The following PRKCE variants were observed in gnomAD, a reference collection of about 807,000 sequenced individuals.
PRKCE encodes the protein protein kinase C epsilon type.
In PRKCE, 16 loss-of-function variants were observed where a neutral mutation model predicts 85.4. The ratio of observed to expected loss-of-function variants is 0.19; its 90% CI spans 0.13 to 0.28. PRKCE has a LOEUF of 0.28. Ranked by LOEUF, PRKCE falls within the 10% of genes least tolerant of loss-of-function variation. PRKCE has a pLI of 1.00. For missense variants in PRKCE, 573 were observed against 975.2 expected, an observed-to-expected ratio of 0.59 and a Z score of 5.49; for synonymous variants, 388 against 371.5, an observed-to-expected ratio of 1.04 and a Z score of -0.51.
chr2:45,740,164 C>G (rs1243727150), intron 1 of PRKCE, among the ~76,000 whole-genome samples: 1 of 119,386 alleles, frequency 8.4e-6, no homozygotes, highest in Non-Finnish European at 1.8e-5. Flanking sequence ...AAAAAAAGGA[C>G]TTATTCACTG....
intron 14 of PRKCE, among the ~76,000 whole-genome samples, chr2:46,176,323 C>A (rs1319931633): frequency 2.0e-5 from 3 of 151,990 alleles, no homozygotes; most frequent in African/African-American, 7.2e-5. Context: ...CGTTGAAGCT[C>A]CCCCAGGTGA....
chr2:46,170,120 G>A (rs1678747008), intron 14 of PRKCE, among the ~76,000 whole-genome samples: 1 of 152,132 alleles, frequency 6.6e-6, no homozygotes, highest in African/African-American at 2.4e-5. Flanking sequence ...ACATTCTGAT[G>A]CATTTGAAAA....
At chr2:46,029,513 C>A (rs539921976) in intron 10 of PRKCE, among the ~76,000 whole-genome samples, 2 of 152,138 alleles carry the variant, frequency 1.3e-5, no homozygotes, top group Non-Finnish European at 2.9e-5. Flanking sequence ...TCACTGCCCC[C>A]ACTAACGCCA....
At chr2:45,893,052 GCTGA>G (rs1163986520) in intron 2 of PRKCE, among the ~76,000 whole-genome samples, 3 of 152,166 alleles carry the variant, frequency 2.0e-5, no homozygotes, top group African/African-American at 7.2e-5. Context: ...TCCAAGATGG[GCTGA>G]CTGTTTGCGA....
chr2:46,124,800 A>T (rs1429462470), intron 11 of PRKCE, among the ~76,000 whole-genome samples: 1 of 152,198 alleles, frequency 6.6e-6, no homozygotes, highest in African/African-American at 2.4e-5. Context: ...CACTGTGGGG[A>T]ATGATAAGGA....
chr2:45,688,706 T>C (rs1302270831), intron 1 of PRKCE, among the ~76,000 whole-genome samples: 1 of 152,196 alleles, frequency 6.6e-6, no homozygotes, highest in Non-Finnish European at 1.5e-5. Context: ...AGCTATTGCA[T>C]TGGTAAGTCA....
At position 46,010,329 on chromosome 2, in the gene PRKCE, A is replaced by G. The variant is rs766125960; in HGVS notation, c.1264-15A>G. 1 of 1,581,416 alleles carries G rather than the reference A, an allele frequency of 6.3e-7. No individual in the cohort carries two copies. Among genetic ancestry groups the G allele is most frequent in the East Asian group, 2.3e-5 (1 of 44,426 alleles). ...ATACATGCATAGATTGATGGAGGCA[A>G]TTGATTGATTGCAGGTCATGTTGGC... On this transcript the variant is annotated splice_polypyrimidine_tract_variant and intron_variant, in intron 9 of 14. Coordinates refer to ENST00000306156, the MANE Select transcript of PRKCE (RefSeq NM_005400.3).
At chr2:45,824,324 T>G (rs1238531089) in intron 1 of PRKCE, among the ~76,000 whole-genome samples, 1 of 152,204 alleles carries the variant, frequency 6.6e-6, no homozygotes, top group Non-Finnish European at 1.5e-5. Flanking sequence ...TCAACTCCTT[T>G]CTTTCCAAAG....
In PRKCE at chr2:45,907,080, C is replaced by G. The variant is rs977639739; in HGVS notation, c.412+64017C>G. The stretch of plus-strand genomic sequence containing the variant: ...GCGTCGGAGGTCTAAGTGGTATAGA[C>G]GGAAGGAAGGCGGTCAGAGGGTACA... On this transcript the variant is annotated intron_variant, in intron 2 of 14. Coordinates refer to ENST00000306156, the MANE Select transcript of PRKCE (RefSeq NM_005400.3). The surrounding 1 kb of genome is among the most constrained non-coding windows in gnomAD (Gnocchi z 4.5). Among the ~76,000 whole-genome samples, 1 of 152,084 alleles carries G rather than the reference C, an allele frequency of 6.6e-6. No homozygotes were observed. The highest frequency in any genetic ancestry group is 1.5e-5 in the Non-Finnish European group (1 of 68,016).
intron 11 of PRKCE, among the ~76,000 whole-genome samples, chr2:46,106,963 A>G (rs552598327): frequency 2.3e-4 from 35 of 152,170 alleles, no homozygotes; most frequent in Non-Finnish European, 4.4e-4. Context: ...ATTTTGTCAC[A>G]TTTTGCACTC....
intron 2 of PRKCE, among the ~76,000 whole-genome samples, chr2:45,859,643 G>GT: frequency 6.6e-6 from 1 of 152,050 alleles, no homozygotes. Context: ...TTTTTCTGTT[G>GT]TTTTTGTCTA....
chr2:45,823,895 C>T (rs529893246), intron 1 of PRKCE, among the ~76,000 whole-genome samples: 5 of 152,358 alleles, frequency 3.3e-5, no homozygotes, highest in South Asian at 4.1e-4. Context: ...CCCAGAGGCT[C>T]GCAGCTCCTG....
At chr2:45,801,766 G>A (rs1013271617) in intron 1 of PRKCE, among the ~76,000 whole-genome samples, 2 of 152,148 alleles carry the variant, frequency 1.3e-5, no homozygotes, top group Non-Finnish European at 2.9e-5. Context: ...TGTCCTGGCT[G>A]TCCATGGGAC....
chr2:45,961,507 G>T (rs191560976), intron 2 of PRKCE, among the ~76,000 whole-genome samples: 1 of 152,248 alleles, frequency 6.6e-6, no homozygotes, highest in African/African-American at 2.4e-5. Context: ...TTTGAGGGGG[G>T]AATGTCCCAT....
At chr2:45,915,266 A>G (rs770665109) in intron 2 of PRKCE, among the ~76,000 whole-genome samples, 3 of 152,190 alleles carry the variant, frequency 2.0e-5, no homozygotes, top group Non-Finnish European at 2.9e-5. Context: ...TGAAGGAGTA[A>G]GGCATGCTGT....
At chr2:45,739,550 C>G (rs767672464) in intron 1 of PRKCE, among the ~76,000 whole-genome samples, 1 of 152,044 alleles carries the variant, frequency 6.6e-6, no homozygotes, top group Non-Finnish European at 1.5e-5. Flanking sequence ...TTTTAAAAAC[C>G]TGACGTTTAT....
intron 2 of PRKCE, among the ~76,000 whole-genome samples, chr2:45,918,036 G>C (rs1454403807): frequency 1.3e-5 from 2 of 152,216 alleles, no homozygotes; most frequent in East Asian, 3.9e-4. Context: ...GCGCAGCCCC[G>C]GTTCCCGCTG....
intron 2 of PRKCE, among the ~76,000 whole-genome samples, chr2:45,952,257 G>A (rs1700672624): frequency 2.0e-5 from 3 of 152,184 alleles, no homozygotes; most frequent in Non-Finnish European, 4.4e-5. Context: ...ACTAGGTGGT[G>A]GTCGGCAAAA....
intron 2 of PRKCE, among the ~76,000 whole-genome samples, chr2:45,869,082 T>C (rs1056713750): frequency 1.6e-4 from 25 of 152,220 alleles, no homozygotes; most frequent in African/African-American, 6.0e-4. Context: ...TGCATGGGTT[T>C]TCTTGACTTT....
Sources: gnomAD v4.1 joint callset for allele counts (sites outside exome capture counted in the v4.1 genomes callset) on GRCh38, gnomAD v4.1.1 for gene constraint, Gnocchi (gnomAD v3.1) non-coding constraint, MANE v1.5 for transcripts, NCBI Gene and HGNC (gene_info 2026-07-23, HGNC 2026-07-21) for gene names.